The following ADD3 variants were observed in gnomAD, a reference collection of about 807,000 sequenced individuals.
The protein encoded by ADD3 is gamma-adducin.
In ADD3, 25 loss-of-function variants were observed where a neutral mutation model predicts 80.2. The observed-to-expected ratio is 0.31, with a 90% CI of 0.23 to 0.44. The LOEUF (loss-of-function observed/expected upper bound fraction) is 0.44, where lower values mean the gene tolerates loss of function less well. ADD3 is among the 20% of genes least tolerant of loss of function. The pLI, the probability that ADD3 is intolerant of heterozygous loss-of-function variation, is 1.00. For missense variants in ADD3, 829 were observed against 847.5 expected, an observed-to-expected ratio of 0.98 and a Z score of 0.27; for synonymous variants, 284 against 289.6, an observed-to-expected ratio of 0.98 and a Z score of 0.20.
intron 1 of ADD3, among the ~76,000 whole-genome samples, chr10:110,050,028 T>A (rs12242301): frequency 0.13 from 19,061 of 152,192 alleles, 3,823 homozygotes; most frequent in African/African-American, 0.43. Context: ...GTATCCAGGA[T>A]GTAACTAACT....
At chr10:110,034,613 T>G (rs1372695054) in intron 1 of ADD3, among the ~76,000 whole-genome samples, 2 of 152,182 alleles carry the variant, frequency 1.3e-5, no homozygotes, top group African/African-American at 4.8e-5. Context: ...AATGGGGCTT[T>G]GAGACTCTCA....
chr10:109,996,945 C>T (rs555261632), intron 1 of ADD3, among the ~76,000 whole-genome samples: 1 of 152,248 alleles, frequency 6.6e-6, no homozygotes, highest in African/African-American at 2.4e-5. Context: ...TTACTACTCC[C>T]AGGAAGGATT....
intron 12 of ADD3, 77 bp from the exon 13 acceptor site, chr10:110,130,286 G>T: frequency 2.1e-6 from 3 of 1,415,450 alleles, no homozygotes; most frequent in Non-Finnish European, 3.0e-6. Context: ...GCATTTATGT[G>T]TATATAGATG....
chr10:110,111,718 C>T (rs1850037197), intron 2 of ADD3, among the ~76,000 whole-genome samples: 1 of 152,120 alleles, frequency 6.6e-6, no homozygotes, highest in South Asian at 2.1e-4. Context: ...CAGTTCAAGA[C>T]CAGCCTGACC....
chr10:110,130,864 A>C (rs373945442), intron 13 of ADD3, among the ~76,000 whole-genome samples: 1 of 152,066 alleles, frequency 6.6e-6, no homozygotes. Context: ...TCAAAAAAAA[A>C]AAAACAGAAA....
At position 110,037,864 on chromosome 10, in the gene ADD3, T is replaced by C. The variant is rs372606024; in HGVS notation, c.-30+29565T>C. On this transcript the variant is annotated intron_variant, in intron 1 of 14. Coordinates refer to ENST00000356080, the MANE Select transcript of ADD3 (RefSeq NM_016824.5). ...GGCGGATCACCTGAGGTTGGGAGTT[T>C]GAAACCAGCCAGATCAACATGGAGA... Among the ~76,000 whole-genome samples, 454 of 151,584 alleles carry C rather than the reference T, an allele frequency of 3.0e-3. 3 individuals carry two copies. Among genetic ancestry groups the C allele is most frequent in the African/African-American group, 0.01 (430 of 41,336 alleles).
At chr10:110,046,711 C>A (rs11194963) in intron 1 of ADD3, among the ~76,000 whole-genome samples, 98,617 of 151,926 alleles carry the variant, frequency 0.65, 37,017 homozygotes, top group Non-Finnish European at 0.83. Context: ...GTAATTGTTG[C>A]CTCACTAAGG....
At chr10:110,015,683 AT>A (rs11388641) in intron 1 of ADD3, among the ~76,000 whole-genome samples, 1,733 of 150,746 alleles carry the variant, frequency 0.011, 15 homozygotes, top group Middle Eastern at 0.031. Context: ...AGAATGTTTG[AT>A]TTTTTTTTTA....
chr10:110,045,178 A>G lies in ADD3; in HGVS notation c.-30+36879A>G, dbSNP rs572593824. On this transcript the variant is annotated intron_variant, in intron 1 of 14. Transcript: ENST00000356080. ...AGACCAGCCTGGCCAACATAGTGAA[A>G]CCCCGTCTCTACTAAAAATACAAAA... 5.3e-5 allele frequency among the ~76,000 whole-genome samples: 8 copies of G among 152,262 alleles called. 1 individual carries two copies. Among genetic ancestry groups the G allele is most frequent in the African/African-American group, 1.9e-4 (8 of 41,560 alleles).
chr10:110,107,410 A>C (rs961450221), intron 2 of ADD3, among the ~76,000 whole-genome samples: 19 of 152,114 alleles, frequency 1.2e-4, no homozygotes, highest in Admixed American at 8.5e-4. Flanking sequence ...GGGCTAGAGA[A>C]GTGCAAGTTG....
chr10:110,010,254 T>TA (rs1299951206), intron 1 of ADD3, among the ~76,000 whole-genome samples: 2 of 152,352 alleles, frequency 1.3e-5, no homozygotes, highest in South Asian at 2.1e-4. Context: ...AGGCCTATCA[T>TA]GTCTGAGTGC....
At chr10:110,098,366 A>C (rs1848422995) in intron 1 of ADD3, among the ~76,000 whole-genome samples, 1 of 152,168 alleles carries the variant, frequency 6.6e-6, no homozygotes, top group Non-Finnish European at 1.5e-5. Context: ...CTTATTTTCA[A>C]AAATCCTCCC....
At position 110,008,139 on chromosome 10, in the gene ADD3, G is replaced by A. The variant is rs1851839854; in HGVS notation, c.-190G>A. 2 of 152,324 alleles carry A rather than the reference G, an allele frequency of 1.3e-5. No homozygotes were observed. The highest frequency in any genetic ancestry group is 2.9e-5 in the Non-Finnish European group (2 of 68,124). 9.4% of individuals were successfully genotyped at this position (152,324 alleles called of 1,614,324 possible). On this transcript the variant is annotated 5_prime_UTR_variant, in exon 1 of 15. Transcript: ENST00000356080. The stretch of plus-strand genomic sequence containing the variant: ...CCTGCTGCACAGGGCTCGGCGTACA[G>A]GTCCCTCCCTCCTCAAGCCCCCTCC...
intron 12 of ADD3, among the ~76,000 whole-genome samples, chr10:110,126,739 C>T (rs1268978034): frequency 6.6e-6 from 1 of 152,176 alleles, no homozygotes; most frequent in African/African-American, 2.4e-5. Flanking sequence ...GAGATGAGGT[C>T]TCACTCTGTT....
intron 1 of ADD3, among the ~76,000 whole-genome samples, chr10:110,040,768 A>G (rs529940595): frequency 2.6e-4 from 39 of 152,360 alleles, no homozygotes; most frequent in African/African-American, 9.4e-4. Flanking sequence ...GAACTAAATC[A>G]GTGGACTCGG....
intron 3 of ADD3, among the ~76,000 whole-genome samples, chr10:110,114,857 C>CT (rs1850497855): frequency 6.6e-6 from 1 of 152,160 alleles, no homozygotes; most frequent in South Asian, 2.1e-4. Flanking sequence ...GCAGGAGGAT[C>CT]ACTGGAGGCC....
chr10:110,097,547 A>C (rs1177387172), intron 1 of ADD3, among the ~76,000 whole-genome samples: 1 of 152,212 alleles, frequency 6.6e-6, no homozygotes, highest in African/African-American at 2.4e-5. Flanking sequence ...AAATGATAAT[A>C]TCTTCCATAA....
At chr10:110,109,708 C>T (rs1849779697) in intron 2 of ADD3, among the ~76,000 whole-genome samples, 1 of 152,138 alleles carries the variant, frequency 6.6e-6, no homozygotes, top group African/African-American at 2.4e-5. Context: ...TGGCCCATTG[C>T]CATGTGTCCA....
At chr10:110,125,232 G>A (rs113653877) in intron 10 of ADD3, among the ~76,000 whole-genome samples, 3,267 of 152,110 alleles carry the variant, frequency 0.021, 117 homozygotes, top group African/African-American at 0.071. Context: ...AATCTTGATC[G>A]AGATTCGCTT....
Sources: gnomAD v4.1 joint callset for allele counts (sites outside exome capture counted in the v4.1 genomes callset) on GRCh38, gnomAD v4.1.1 for gene constraint, MANE v1.5 for transcripts, NCBI Gene and HGNC (gene_info 2026-07-23, HGNC 2026-07-21) for gene names.